Variants in FUT8 observed in about 807,000 individuals in gnomAD.
The protein encoded by FUT8 is fucosyltransferase 8.
A neutral mutation model predicts 71.3 loss-of-function variants in FUT8; 29 were observed. The observed-to-expected ratio is 0.41, with a 90% CI of 0.30 to 0.55. The LOEUF (loss-of-function observed/expected upper bound fraction) is 0.55. Among genes scored for constraint, FUT8 ranks in the 20% least tolerant of loss-of-function variants. FUT8 has a pLI of 0.34. For synonymous variants in FUT8, 254 were observed against 239.3 expected, an observed-to-expected ratio of 1.06 and a Z score of -0.57; for missense variants, 544 against 702.1, an observed-to-expected ratio of 0.77 and a Z score of 2.55.
intron 6 of FUT8, among the ~76,000 whole-genome samples, chr14:65,635,317 T>C (rs1401957497): frequency 2.0e-5 from 3 of 152,218 alleles, no homozygotes; most frequent in African/African-American, 7.2e-5. Flanking sequence ...TCTTTACCGA[T>C]TTGGATGCCC....
Position 65,599,557 on chromosome 14 carries a change from G to A in FUT8, c.204-16421G>A, listed in dbSNP as rs535057504. 4.6e-5 allele frequency among the ~76,000 whole-genome samples: 7 copies of A among 152,250 alleles called. No homozygotes were observed. In the East Asian group the frequency reaches 1.3e-3, roughly 29 times the overall value. ...TAGTTTGGACCTATGTCATATAAAG[G>A]CCTTACAGCTCTGTTTCAGGAAGCC... On this transcript the variant is annotated intron_variant, in intron 3 of 10. Coordinates refer to ENST00000673929, the MANE Select transcript of FUT8 (RefSeq NM_001371533.1).
chr14:65,438,282 CTCACATATTCAT>C (rs1442838223), intron 1 of FUT8, among the ~76,000 whole-genome samples: 2 of 151,564 alleles, frequency 1.3e-5, no homozygotes, highest in Non-Finnish European at 2.9e-5. Context: ...TTTTTTTCCC[CTCACATATTCAT>C]TCTCTGCTTC....
At chr14:65,358,784 T>G in the FUT8 span, among the ~76,000 whole-genome samples, 1 of 152,234 alleles carries the variant, frequency 6.6e-6, no homozygotes, top group African/African-American at 2.4e-5. Flanking sequence ...TATCTATGTC[T>G]TTGCCATTTT....
At chr14:65,402,158 T>G in the FUT8 span, among the ~76,000 whole-genome samples, 1 of 151,264 alleles carries the variant, frequency 6.6e-6, no homozygotes, top group Non-Finnish European at 1.5e-5. Context: ...TCTCAGCCCT[T>G]TGATATGTGA....
intron 3 of FUT8, among the ~76,000 whole-genome samples, chr14:65,593,851 C>T (rs1887821946): frequency 6.6e-6 from 1 of 152,242 alleles, no homozygotes; most frequent in African/African-American, 2.4e-5. Context: ...GCTGGGATTA[C>T]AGGCATGCAC....
intron 1 of FUT8, among the ~76,000 whole-genome samples, chr14:65,414,721 T>C (rs927035525): frequency 1.3e-5 from 2 of 152,226 alleles, no homozygotes; most frequent in Non-Finnish European, 2.9e-5. Context: ...TGGATTTTCT[T>C]TTTGCTGCCT....
chr14:65,741,979 C>A (rs886622127), intron 10 of FUT8, 114 bp from the exon 11 acceptor site: 1 of 740,960 alleles, frequency 1.3e-6, no homozygotes, highest in Non-Finnish European at 2.2e-6. Context: ...TGACTAGAAT[C>A]CACTACTTTT....
chr14:65,644,319 C>T (rs1891014456), intron 6 of FUT8, among the ~76,000 whole-genome samples: 1 of 151,870 alleles, frequency 6.6e-6, no homozygotes, highest in Admixed American at 6.6e-5. Flanking sequence ...GAGACGGAGT[C>T]TCACTCTGTC....
rs557160522 is a variant in FUT8 at position 65,550,710 on chromosome 14, G to A, written c.-227-10627G>A. Among the ~76,000 whole-genome samples, 4 of 151,944 alleles carry A rather than the reference G, an allele frequency of 2.6e-5. No homozygotes were observed. The highest frequency in any genetic ancestry group is 2.1e-4 in the South Asian group (1 of 4,790). ...CACATATTTCGATACTTGTTTCAGC[G>A]CTCTTGTCTGCTGTCATCATTGTCA... is the stretch of plus-strand genomic sequence containing the variant. On this transcript the variant is annotated intron_variant, in intron 2 of 10. Coordinates refer to ENST00000673929, the MANE Select transcript of FUT8 (RefSeq NM_001371533.1). This position sits in a 1 kb window ranked among gnomAD's most constrained non-coding sequence, Gnocchi z 4.5.
intron 7 of FUT8, among the ~76,000 whole-genome samples, chr14:65,683,141 G>C (rs921929854): frequency 6.6e-6 from 1 of 151,832 alleles, no homozygotes; most frequent in Non-Finnish European, 1.5e-5. Flanking sequence ...AGCCTCTTGA[G>C]TAGCTGGAAT....
In FUT8 at chr14:65,413,678, C is replaced by T. The variant is rs1348660009; in HGVS notation, c.-326+464C>T. On this transcript the variant is annotated intron_variant, in intron 1 of 10. Coordinates refer to ENST00000673929, the MANE Select transcript of FUT8 (RefSeq NM_001371533.1). This position sits in a 1 kb window ranked among gnomAD's most constrained non-coding sequence, Gnocchi z 4.1. Reference sequence around the variant, plus strand: ...TTATGGGCTCTTTCTGAGTGCTGCTCGGGCTAGAAAGCAGGGAGTGGACCC... The same window carrying T: ...TTATGGGCTCTTTCTGAGTGCTGCTTGGGCTAGAAAGCAGGGAGTGGACCC... 1.3e-5 allele frequency among the ~76,000 whole-genome samples: 2 copies of T among 152,142 alleles called. No individual in the cohort carries two copies. The highest frequency in any genetic ancestry group is 2.9e-5 in the Non-Finnish European group (2 of 68,026).
intron 1 of FUT8, among the ~76,000 whole-genome samples, chr14:65,434,899 A>G (rs1028914819): frequency 3.3e-5 from 5 of 152,140 alleles, no homozygotes; most frequent in South Asian, 2.1e-4. Context: ...ACACAGTTCT[A>G]TGGATTTTGG....
chr14:65,422,062 TG>T (rs1040129304), intron 1 of FUT8, among the ~76,000 whole-genome samples: 2 of 152,102 alleles, frequency 1.3e-5, no homozygotes, highest in African/African-American at 4.8e-5. Flanking sequence ...ACATTTTGTT[TG>T]GGGGCAAGTA....
chr14:65,436,094 C>T (rs1170767688), intron 1 of FUT8, among the ~76,000 whole-genome samples: 1 of 151,764 alleles, frequency 6.6e-6, no homozygotes, highest in African/African-American at 2.4e-5. Context: ...CCATGTCTGG[C>T]TAGTTTTTAA....
Position 65,616,934 on chromosome 14 carries a change from C to T in FUT8, c.482+561C>T, listed in dbSNP as rs533358135. ...TGGTTAAATTTGTTTCTCCTATGCA[C>T]ACGTTGCTAAATAATATGAAGTTTA... is the stretch of plus-strand genomic sequence containing the variant. On this transcript the variant is annotated intron_variant, in intron 5 of 10. Coordinates refer to ENST00000673929, the MANE Select transcript of FUT8 (RefSeq NM_001371533.1). Among the ~76,000 whole-genome samples the T allele has an allele frequency of 2.6e-5, 4 of 152,146 alleles. No homozygotes were observed. In the South Asian group the frequency reaches 8.3e-4, roughly 32 times the overall value.
At chr14:65,399,279 T>C in the FUT8 span, among the ~76,000 whole-genome samples, 2 of 152,160 alleles carry the variant, frequency 1.3e-5, no homozygotes, top group African/African-American at 4.8e-5. Context: ...ATCGCGCCAC[T>C]GCACTCCAGC....
intron 2 of FUT8, among the ~76,000 whole-genome samples, chr14:65,512,568 C>T (rs909949167): frequency 2.0e-5 from 3 of 152,028 alleles, no homozygotes; most frequent in Non-Finnish European, 2.9e-5. Context: ...AGTTACTGAA[C>T]GTTCTAAAGG....
the FUT8 span, among the ~76,000 whole-genome samples, chr14:65,360,030 A>G: frequency 7.2e-5 from 11 of 152,066 alleles, no homozygotes; most frequent in African/African-American, 2.7e-4. Flanking sequence ...ACAGGGTTTC[A>G]CCATGTTGGC....
At chr14:65,400,300 T>G in the FUT8 span, among the ~76,000 whole-genome samples, 43 of 152,330 alleles carry the variant, frequency 2.8e-4, no homozygotes, top group Non-Finnish European at 4.4e-4. Context: ...TTCTTCAAAA[T>G]TTTTGAAATT....
Sources: gnomAD v4.1 joint callset for allele counts (sites outside exome capture counted in the v4.1 genomes callset) on GRCh38, gnomAD v4.1.1 for gene constraint, Gnocchi (gnomAD v3.1) non-coding constraint, MANE v1.5 for transcripts, NCBI Gene and HGNC (gene_info 2026-07-23, HGNC 2026-07-21) for gene names.